Variants in ZMYM4 observed in about 807,000 individuals in gnomAD.
ZMYM4 encodes the protein zinc finger MYM-type protein 4.
A neutral mutation model predicts 183.2 loss-of-function variants in ZMYM4; 31 were observed. The ratio of observed to expected loss-of-function variants is 0.17; its 90% CI spans 0.13 to 0.23. ZMYM4 has a LOEUF of 0.23. ZMYM4 is among the 10% of genes least tolerant of loss of function. The pLI, the probability that ZMYM4 is intolerant of heterozygous loss-of-function variation, is 1.00. For missense variants in ZMYM4, 1,273 were observed against 1,840.3 expected, an observed-to-expected ratio of 0.69 and a Z score of 5.64; for synonymous variants, 592 against 631.2, an observed-to-expected ratio of 0.94 and a Z score of 0.93.
At chr1:35,407,439 AAAAAG>A (rs963961087) in intron 25 of ZMYM4, among the ~76,000 whole-genome samples, 3 of 152,140 alleles carry the variant, frequency 2.0e-5, no homozygotes, top group African/African-American at 7.2e-5. Flanking sequence ...AAAAAAAAAA[AAAAAG>A]AAAGAAAAGA....
At chr1:35,270,467 A>T (rs1316436975) in intron 1 of ZMYM4, among the ~76,000 whole-genome samples, 3 of 152,176 alleles carry the variant, frequency 2.0e-5, no homozygotes, top group Non-Finnish European at 4.4e-5. Flanking sequence ...TACTGTTAAC[A>T]TTGCATTCCG....
At chr1:35,317,309 T>G (rs1445952850) in intron 1 of ZMYM4, among the ~76,000 whole-genome samples, 1 of 151,834 alleles carries the variant, frequency 6.6e-6, no homozygotes, top group Non-Finnish European at 1.5e-5. Flanking sequence ...AGGCGGCACC[T>G]GTAATCCCAA....
chr1:35,280,118 TTTTC>T (rs200561088), intron 1 of ZMYM4, among the ~76,000 whole-genome samples: 2,056 of 152,000 alleles, frequency 0.014, 138 homozygotes, highest in Admixed American at 0.12. Context: ...TGTTACTTTC[TTTTC>T]TTTCTTTGTC....
chr1:35,268,852 C>T lies in ZMYM4; in HGVS notation c.-195C>T, dbSNP rs944819394. 3 of 493,846 alleles carry T rather than the reference C, an allele frequency of 6.1e-6. No homozygotes were observed. The highest frequency in any genetic ancestry group is 6.0e-4 in the Middle Eastern group (1 of 1,666). 30.6% of individuals were successfully genotyped at this position (493,846 alleles called of 1,614,324 possible). On this transcript the variant is annotated 5_prime_UTR_variant, in exon 1 of 30. Coordinates refer to ENST00000314607, the MANE Select transcript of ZMYM4 (RefSeq NM_005095.3). ...CCGGGCAGGCCCTCCCGCCCACGCG[C>T]GGACCCGTGGGATCTCAGAAGCTGC...
At chr1:35,356,511 C>T (rs1222402601) in intron 2 of ZMYM4, among the ~76,000 whole-genome samples, 2 of 152,052 alleles carry the variant, frequency 1.3e-5, no homozygotes, top group African/African-American at 4.8e-5. Context: ...ACAATTTTTC[C>T]AATTATATTA....
intron 25 of ZMYM4, among the ~76,000 whole-genome samples, chr1:35,407,434 A>G (rs1018174925): frequency 6.6e-6 from 1 of 152,138 alleles, no homozygotes. Context: ...ATCTCAAAAA[A>G]AAAAAAAAAG....
intron 1 of ZMYM4, among the ~76,000 whole-genome samples, chr1:35,272,439 G>C (rs1032079416): frequency 5.3e-5 from 8 of 152,196 alleles, no homozygotes; most frequent in Non-Finnish European, 1.2e-4. Context: ...CTTTAACATA[G>C]TATCTATTTC....
rs1228969706 is a variant in ZMYM4, at chr1:35,388,940, C to G, written c.2294C>G (p.Ala765Gly). 1 of 1,613,868 alleles carries G rather than the reference C, an allele frequency of 6.2e-7. No individual in the cohort carries two copies. Among genetic ancestry groups the G allele is most frequent in the Admixed American group, 1.7e-5 (1 of 59,940 alleles). The change falls in exon 14 of 30, where the codon GCA becomes GGA. Residue 765 changes from alanine (A) to glycine (G), a missense_variant. By Grantham distance (60) the Ala-to-Gly change is moderately conservative. Coordinates refer to ENST00000314607, the MANE Select transcript of ZMYM4 (RefSeq NM_005095.3). ...AAATTGCTTTATAAACATGACTTGG[C>G]AAAACGCTGGGGAAATCACTGTAAA... ...GCKLLYKHDLAKRWGNHCKMC... is the reference protein window; with the variant it reads ...GCKLLYKHDLGKRWGNHCKMC...
intron 22 of ZMYM4, 123 bp from the exon 23 acceptor site, chr1:35,399,359 A>AT: frequency 1.0e-6 from 1 of 954,702 alleles, no homozygotes; most frequent in East Asian, 2.6e-5. Context: ...TGGAATCCTT[A>AT]TTTTATCACA....
At position 35,297,494 on chromosome 1, in the gene ZMYM4, G is replaced by GTA. The variant is rs1641078747; in HGVS notation, c.40-27858_40-27857dup. Among the ~76,000 whole-genome samples, 3 of 149,496 alleles carry GTA rather than the reference G, an allele frequency of 2.0e-5. No individual in the cohort carries two copies. In the Admixed American group the frequency reaches 2.0e-4, roughly 10 times the overall value. On this transcript the variant is annotated intron_variant, in intron 1 of 29. Transcript: ENST00000314607. ...TGCTTGTCACAAAAAAAAAAAAAAT[G>GTA]TATATATATTTTTAAGGTTATCTTG...
intron 2 of ZMYM4, chr1:35,351,238 C>T: frequency 1.3e-6 from 2 of 1,524,810 alleles, no homozygotes; most frequent in Non-Finnish European, 1.8e-6. Flanking sequence ...TTGTCTGTCC[C>T]TCACAGTACC....
intron 28 of ZMYM4, among the ~76,000 whole-genome samples, chr1:35,416,480 T>G (rs1640117828): frequency 6.6e-6 from 1 of 152,218 alleles, no homozygotes; most frequent in Non-Finnish European, 1.5e-5. Flanking sequence ...TTACTAAGAT[T>G]ATCTTTTTCA....
Position 35,399,654 on chromosome 1 carries a change from ACT to A in ZMYM4, c.3528+81_3528+82del, listed in dbSNP as rs1253176254. ...TTATTTAGTTCCTGCTGCTTTCAAA[ACT>A]CTGTAACAGCCAGAGTCAGGTAGTT... On this transcript the variant is annotated intron_variant, in intron 23 of 29. Transcript: ENST00000314607. The A allele has an allele frequency of 2.0e-6, 3 of 1,465,066 alleles. No homozygotes were observed. The African/African-American group carries it at 4.2e-5, about 20-fold the overall frequency. The allele number at this position is 1,465,066 out of a possible 1,614,324, so 90.8% of individuals were successfully genotyped here. A position where few individuals can be genotyped will look rare whatever the true frequency, so the allele number is the denominator to read the frequency against.
rs1366886543 is a variant in ZMYM4 at position 35,352,269 on chromosome 1, G to GCGCGCA, written c.86-6655_86-6654insGCGCAC. Among the ~76,000 whole-genome samples the GCGCGCA allele has an allele frequency of 3.9e-3, 486 of 124,580 alleles. 12 individuals are homozygous for GCGCGCA. The highest frequency in any genetic ancestry group is 0.015 in the African/African-American group (441 of 30,108). 81.7% of individuals were successfully genotyped at this position (124,580 alleles called of 152,430 possible). A position where few individuals can be genotyped will look rare whatever the true frequency, so the allele number is the denominator to read the frequency against. On this transcript the variant is annotated intron_variant, in intron 2 of 29. Coordinates refer to ENST00000314607, the MANE Select transcript of ZMYM4 (RefSeq NM_005095.3). ...TAAAAATTAGCGCGCACGCGCGCGC[G>GCGCGCA]CACACACACACACACACACACACAC...
At chr1:35,402,000 T>C (rs1644918481) in intron 23 of ZMYM4, among the ~76,000 whole-genome samples, 1 of 152,188 alleles carries the variant, frequency 6.6e-6, no homozygotes, top group African/African-American at 2.4e-5. Context: ...CTGTCCTGAT[T>C]ACTGTGATTT....
chr1:35,297,478 C>CCAA (rs1641076792), intron 1 of ZMYM4, among the ~76,000 whole-genome samples: 1 of 126,838 alleles, frequency 7.9e-6, no homozygotes, highest in African/African-American at 2.8e-5. Flanking sequence ...GTGCTTGTCA[C>CCAA]AAAAAAAAAA....
chr1:35,268,970 G>C lies in ZMYM4; in HGVS notation c.-77G>C, dbSNP rs957503838. On this transcript the variant is annotated 5_prime_UTR_variant, in exon 1 of 30. Transcript: ENST00000314607. ...GCCGCGAGGCGGCCGTGCCTGCAGT[G>C]TGGGCGGGGGCCGGGGGGCCGAGAG... is the stretch of plus-strand genomic sequence containing the variant. 1 of 1,456,564 alleles carries C rather than the reference G, an allele frequency of 6.9e-7. No individual in the cohort carries two copies. Among genetic ancestry groups the C allele is most frequent in the Non-Finnish European group, 9.1e-7 (1 of 1,101,308 alleles). The allele number at this position is 1,456,564 out of a possible 1,614,324, so 90.2% of individuals were successfully genotyped here.
At chr1:35,384,788 G>A (rs1164109581) in intron 9 of ZMYM4, among the ~76,000 whole-genome samples, 1 of 151,002 alleles carries the variant, frequency 6.6e-6, no homozygotes, top group Admixed American at 6.6e-5. Flanking sequence ...CCTATTAATA[G>A]ACCCTGAAAT....
At chr1:35,366,721 A>T (rs1357070996) in intron 5 of ZMYM4, among the ~76,000 whole-genome samples, 1 of 152,168 alleles carries the variant, frequency 6.6e-6, no homozygotes, top group African/African-American at 2.4e-5. Flanking sequence ...TTTTTAAATT[A>T]AGATTTAAGG....
Sources: gnomAD v4.1 joint callset for allele counts (sites outside exome capture counted in the v4.1 genomes callset) on GRCh38, gnomAD v4.1.1 for gene constraint, MANE v1.5 for transcripts, NCBI Gene and HGNC (gene_info 2026-07-23, HGNC 2026-07-21) for gene names.